Variants in RAD51B observed in about 807,000 individuals in gnomAD.
RAD51B encodes the protein RAD51 paralog B, also known as DNA repair protein RAD51 homolog 2.
Under a neutral mutation model 42.2 loss-of-function variants are expected in RAD51B, and 38 were observed. That is an observed-to-expected ratio of 0.90 (90% CI 0.70 to 1.18). The LOEUF (loss-of-function observed/expected upper bound fraction) is 1.18. Among genes scored for constraint, RAD51B ranks in the 50% most tolerant of loss-of-function variants. The pLI is 0.00. For synonymous variants in RAD51B, 154 were observed against 145.2 expected (o/e 1.06, Z -0.43); for missense variants, 373 against 400.7 (o/e 0.93, Z 0.59).
chr14:68,643,329 G>A (rs1187332238), intron 10 of RAD51B, among the ~76,000 whole-genome samples: 1 of 152,048 alleles, frequency 6.6e-6, no homozygotes, highest in African/African-American at 2.4e-5. Context: ...AGCTACTCCT[G>A]TTTTCTTTTG....
intron 7 of RAD51B, among the ~76,000 whole-genome samples, chr14:68,024,548 T>C (rs1281949761): frequency 1.3e-5 from 2 of 152,188 alleles, no homozygotes; most frequent in Non-Finnish European, 2.9e-5. Context: ...ATAGAGATCT[T>C]TCCCCTCCTT....
chr14:68,434,523 G>A (rs1268444009), intron 9 of RAD51B, among the ~76,000 whole-genome samples: 1 of 152,216 alleles, frequency 6.6e-6, no homozygotes, highest in Non-Finnish European at 1.5e-5. Flanking sequence ...GAGGCTCCAT[G>A]GGCATGGGAT....
At chr14:68,100,642 C>T (rs1282590995) in intron 7 of RAD51B, among the ~76,000 whole-genome samples, 6 of 151,992 alleles carry the variant, frequency 3.9e-5, no homozygotes, top group South Asian at 2.1e-4. Flanking sequence ...TTTTTTTCTC[C>T]GTGAACAATT....
intron 7 of RAD51B, among the ~76,000 whole-genome samples, chr14:67,922,687 C>CTTTT (rs34206440): frequency 0.024 from 3,230 of 132,450 alleles, 101 homozygotes; most frequent in African/African-American, 0.063. Context: ...AATATGTAGT[C>CTTTT]TTTTTTTTTT....
downstream of RAD51B, among the ~76,000 whole-genome samples, chr14:68,612,748 T>C (rs1212975730): frequency 6.6e-6 from 1 of 151,616 alleles, no homozygotes; most frequent in Admixed American, 6.6e-5. Context: ...AACAGTACAG[T>C]TAAAAATGGT....
chr14:67,820,891 A>G (rs1225283310), intron 1 of RAD51B, among the ~76,000 whole-genome samples: 1 of 152,214 alleles, frequency 6.6e-6, no homozygotes, highest in Non-Finnish European at 1.5e-5. Flanking sequence ...AAATTAAGAC[A>G]CTGAGAGGTG....
chr14:68,359,279 G>T lies in RAD51B; in HGVS notation c.854-52145G>T, dbSNP rs547822029. On this transcript the variant is annotated intron_variant, in intron 8 of 10. Transcript: ENST00000471583. ...CTACAAAAGACATAAAGCACACCTT[G>T]CTTTAATCCCTTCCATCCGCCCAGA... Among the ~76,000 whole-genome samples, 20 of 152,194 alleles carry T rather than the reference G, an allele frequency of 1.3e-4. 1 individual carries two copies. The South Asian group carries it at 3.9e-3, about 30-fold the overall frequency.
At chr14:68,130,956 G>A (rs569039994) in intron 7 of RAD51B, among the ~76,000 whole-genome samples, 2 of 152,118 alleles carry the variant, frequency 1.3e-5, no homozygotes, top group Middle Eastern at 3.4e-3. Flanking sequence ...GAAAAGTCAG[G>A]CTCTATTTGT....
chr14:68,180,180 T>C (rs1478301090), intron 7 of RAD51B, among the ~76,000 whole-genome samples: 3 of 152,282 alleles, frequency 2.0e-5, no homozygotes, highest in Admixed American at 6.5e-5. Context: ...TACCCCAACT[T>C]TGAATGGATT....
intron 9 of RAD51B, among the ~76,000 whole-genome samples, chr14:68,465,952 AAAT>A (rs2085971684): frequency 1.9e-4 from 4 of 20,942 alleles, no homozygotes; most frequent in Admixed American, 8.3e-4. Context: ...AAAAAAAAAA[AAAT>A]AAATAAATAA....
chr14:68,541,794 T>C, intron 10 of RAD51B: 1 of 985,402 alleles, frequency 1.0e-6, no homozygotes, highest in Non-Finnish European at 1.2e-6. Flanking sequence ...AAAATGACTT[T>C]AAATGGCCAC....
At chr14:67,923,998 T>C (rs2044418745) in intron 7 of RAD51B, among the ~76,000 whole-genome samples, 1 of 152,254 alleles carries the variant, frequency 6.6e-6, no homozygotes, top group Non-Finnish European at 1.5e-5. Flanking sequence ...CATTTTTTCA[T>C]ATGCTTGTCG....
At chr14:68,659,485 C>T (rs575236666) in intron 11 of RAD51B, among the ~76,000 whole-genome samples, 14 of 152,116 alleles carry the variant, frequency 9.2e-5, no homozygotes, top group African/African-American at 3.1e-4. Context: ...GGGCGGGAGG[C>T]GGGTAGGAGG....
intron 7 of RAD51B, among the ~76,000 whole-genome samples, chr14:67,941,050 CTTAGT>C (rs1329427222): frequency 6.6e-6 from 1 of 152,086 alleles, no homozygotes; most frequent in Non-Finnish European, 1.5e-5. Context: ...GGAATGAGCT[CTTAGT>C]TTAGTCACAT....
intron 5 of RAD51B, among the ~76,000 whole-genome samples, chr14:67,865,884 A>T (rs1017437946): frequency 1.3e-5 from 2 of 152,198 alleles, no homozygotes; most frequent in Admixed American, 1.3e-4. Flanking sequence ...ATGAATAAGG[A>T]ATGATAGAAT....
intron 8 of RAD51B, among the ~76,000 whole-genome samples, chr14:68,377,506 G>A (rs181797990): frequency 1.3e-5 from 2 of 152,172 alleles, no homozygotes; most frequent in African/African-American, 4.8e-5. Context: ...ATGAGCAGAA[G>A]AATCCAGCCT....
chr14:67,865,230 C>T, intron 5 of RAD51B, 91 bp downstream of exon 5: 1 of 1,201,840 alleles, frequency 8.3e-7, no homozygotes, highest in African/African-American at 1.6e-5. Context: ...TTTACCACCC[C>T]TCCCCCTTGC....
intron 7 of RAD51B, among the ~76,000 whole-genome samples, chr14:67,985,642 C>A (rs1051462249): frequency 6.6e-6 from 1 of 151,976 alleles, no homozygotes. Flanking sequence ...GAAACAGTGG[C>A]TCATGCTTGT....
At chr14:68,572,857 A>T (rs1393859072) in intron 10 of RAD51B, among the ~76,000 whole-genome samples, 1 of 152,186 alleles carries the variant, frequency 6.6e-6, no homozygotes, top group Non-Finnish European at 1.5e-5. Context: ...CACCTCAGGT[A>T]CTGTACATGT....
Sources: gnomAD v4.1 joint callset for allele counts (sites outside exome capture counted in the v4.1 genomes callset) on GRCh38, gnomAD v4.1.1 for gene constraint, MANE v1.5 for transcripts, NCBI Gene and HGNC (gene_info 2026-07-23, HGNC 2026-07-21) for gene names.